HUNK: variants seen among roughly 807,000 people sequenced by gnomAD.
HUNK encodes the protein hormonally up-regulated Neu-associated kinase.
A neutral mutation model predicts 61.0 loss-of-function variants in HUNK; 21 were observed. That is an observed-to-expected ratio of 0.34 (90% CI 0.24 to 0.50). The LOEUF (loss-of-function observed/expected upper bound fraction) is 0.50. Ranked by LOEUF, HUNK falls within the 20% of genes least tolerant of loss-of-function variation. The probability of loss-of-function intolerance (pLI) is 0.98; values close to 1 mark genes in which losing one functional copy is unlikely to be tolerated. For synonymous variants in HUNK, 371 were observed against 386.1 expected (o/e 0.96, Z 0.46); for missense variants, 772 against 945.7 (o/e 0.82, Z 2.41).
Position 31,999,188 on chromosome 21 carries a change from G to T in HUNK, c.*4G>T. 1 of 1,588,892 alleles carries T rather than the reference G, an allele frequency of 6.3e-7. No homozygotes were observed. Among genetic ancestry groups the T allele is most frequent in the Non-Finnish European group, 8.6e-7 (1 of 1,167,998 alleles). On this transcript the variant is annotated 3_prime_UTR_variant, in exon 11 of 11. Transcript: ENST00000270112. Reference sequence around the variant, plus strand: ...TGGGGTCAAGACCCAGTGCTAACTTGGGCCAGCGGGGTTTGGGGTATCTCT... The same window carrying T: ...TGGGGTCAAGACCCAGTGCTAACTTTGGCCAGCGGGGTTTGGGGTATCTCT...
intron 1 of HUNK, among the ~76,000 whole-genome samples, chr21:31,886,894 G>A (rs1162132236): frequency 2.0e-5 from 3 of 152,168 alleles, no homozygotes; most frequent in Non-Finnish European, 4.4e-5. Context: ...ACCTGCCTTG[G>A]CCTCCCAAAG....
At chr21:31,971,342 G>A (rs879944383) in intron 6 of HUNK, among the ~76,000 whole-genome samples, 1 of 152,116 alleles carries the variant, frequency 6.6e-6, no homozygotes, top group African/African-American at 2.4e-5. Flanking sequence ...AAAGTGCTGG[G>A]ATTATAGGCG....
chr21:31,920,648 C>G (rs1168726807), intron 1 of HUNK, among the ~76,000 whole-genome samples: 3 of 152,056 alleles, frequency 2.0e-5, no homozygotes, highest in Non-Finnish European at 4.4e-5. Context: ...GTTTAGCATC[C>G]CTTGAACTAC....
At chr21:31,911,502 G>A (rs980148279) in intron 1 of HUNK, among the ~76,000 whole-genome samples, 5 of 152,326 alleles carry the variant, frequency 3.3e-5, no homozygotes, top group South Asian at 4.1e-4. Context: ...GGGTCAAGCC[G>A]AGGGAGCCGT....
intron 5 of HUNK, among the ~76,000 whole-genome samples, chr21:31,962,200 T>C (rs747839698): frequency 6.6e-5 from 10 of 152,172 alleles, no homozygotes; most frequent in Non-Finnish European, 1.5e-4. Flanking sequence ...CTAAAGAGAA[T>C]GGGGCAGTGC....
intron 1 of HUNK, among the ~76,000 whole-genome samples, chr21:31,876,766 T>A (rs1271188815): frequency 6.6e-6 from 1 of 152,166 alleles, no homozygotes; most frequent in Non-Finnish European, 1.5e-5. Flanking sequence ...TTGGGGTGTG[T>A]ACATTTTGGA....
intron 1 of HUNK, among the ~76,000 whole-genome samples, chr21:31,897,623 T>C (rs1395481168): frequency 6.6e-6 from 1 of 152,228 alleles, no homozygotes; most frequent in Non-Finnish European, 1.5e-5. Context: ...TGCTGGGAGT[T>C]AGGACTCCAG....
intron 8 of HUNK, among the ~76,000 whole-genome samples, chr21:31,983,895 C>A (rs1299101220): frequency 6.6e-6 from 1 of 152,134 alleles, no homozygotes; most frequent in African/African-American, 2.4e-5. Flanking sequence ...GGAGGTGAGA[C>A]TCGGGTATCA....
chr21:31,952,457 C>T (rs1379428668), intron 4 of HUNK, among the ~76,000 whole-genome samples: 3 of 152,160 alleles, frequency 2.0e-5, no homozygotes, highest in Non-Finnish European at 4.4e-5. Flanking sequence ...GTAATCAGAC[C>T]TTCCCTCCAC....
At chr21:31,876,396 T>G (rs552810942) in intron 1 of HUNK, among the ~76,000 whole-genome samples, 32 of 152,360 alleles carry the variant, frequency 2.1e-4, no homozygotes, top group Middle Eastern at 6.8e-3. Flanking sequence ...TCATAACATT[T>G]ATCTCCCAAA....
intron 1 of HUNK, among the ~76,000 whole-genome samples, chr21:31,896,457 A>G (rs565082632): frequency 6.6e-6 from 1 of 152,344 alleles, no homozygotes; most frequent in South Asian, 2.1e-4. Flanking sequence ...TTCTGTGCAG[A>G]TACCACGATA....
chr21:31,958,104 G>C (rs527440788), intron 4 of HUNK, among the ~76,000 whole-genome samples: 2 of 152,190 alleles, frequency 1.3e-5, no homozygotes, highest in Admixed American at 1.3e-4. Context: ...ATGTCTCCCA[G>C]GTGTTTCTTA....
chr21:31,976,035 T>A (rs151105975), intron 7 of HUNK, among the ~76,000 whole-genome samples: 1 of 152,326 alleles, frequency 6.6e-6, no homozygotes, highest in Non-Finnish European at 1.5e-5. Flanking sequence ...TCCACAGAAC[T>A]CCTTTGTTTT....
At chr21:31,900,779 T>C (rs772734947) in intron 1 of HUNK, among the ~76,000 whole-genome samples, 5 of 152,214 alleles carry the variant, frequency 3.3e-5, no homozygotes, top group Non-Finnish European at 5.9e-5. Context: ...TTGGGAAGAA[T>C]TTCCCAGGGT....
chr21:31,942,200 A>C (rs1325229091), intron 3 of HUNK, among the ~76,000 whole-genome samples: 1 of 152,160 alleles, frequency 6.6e-6, no homozygotes, highest in Non-Finnish European at 1.5e-5. Context: ...ACAGAGCGAG[A>C]CTCCGTCTCA....
chr21:31,882,958 T>C (rs542515006), intron 1 of HUNK, among the ~76,000 whole-genome samples: 2 of 152,258 alleles, frequency 1.3e-5, no homozygotes, highest in Admixed American at 1.3e-4. Flanking sequence ...TAGTAGTCAT[T>C]GTGTGGAAGT....
At chr21:31,933,184 T>G (rs75005667) in intron 2 of HUNK, among the ~76,000 whole-genome samples, 14,305 of 151,804 alleles carry the variant, frequency 0.094, 750 homozygotes, top group Middle Eastern at 0.18. Context: ...CCAAAGTGGT[T>G]GGATTACAGG....
chr21:31,899,876 C>A (rs903677892), intron 1 of HUNK, among the ~76,000 whole-genome samples: 1 of 151,728 alleles, frequency 6.6e-6, no homozygotes, highest in Non-Finnish European at 1.5e-5. Flanking sequence ...CTCCCAGGTT[C>A]AAGCAATTCT....
At chr21:31,983,839 A>T (rs1385188672) in intron 8 of HUNK, among the ~76,000 whole-genome samples, 1 of 152,182 alleles carries the variant, frequency 6.6e-6, no homozygotes, top group African/African-American at 2.4e-5. Flanking sequence ...GCGTTTAAAC[A>T]TCTGGATGCC....
Sources: allele counts gnomAD v4.1 joint callset (sites outside exome capture counted in the v4.1 genomes callset), GRCh38; gene constraint gnomAD v4.1.1; transcripts MANE v1.5; gene names NCBI Gene and HGNC (gene_info 2026-07-23, HGNC 2026-07-21).